Variants in NASP observed in about 807,000 individuals in gnomAD.
NASP encodes nuclear autoantigenic sperm protein.
NASP carries 24 observed loss-of-function variants against 89.5 expected under a neutral mutation model. The ratio of observed to expected loss-of-function variants is 0.27; its 90% CI spans 0.19 to 0.38. The LOEUF (loss-of-function observed/expected upper bound fraction) is 0.38, where lower values mean the gene tolerates loss of function less well. Ranked by LOEUF, NASP falls within the 10% of genes least tolerant of loss-of-function variation. NASP has a pLI of 1.00. For synonymous variants in NASP, 306 were observed against 324.7 expected (o/e 0.94, Z 0.62); for missense variants, 848 against 921.4 (o/e 0.92, Z 1.03).
chr1:45,605,976 A>G (rs972844561), intron 4 of NASP, among the ~76,000 whole-genome samples: 2 of 151,886 alleles, frequency 1.3e-5, no homozygotes, highest in Admixed American at 1.3e-4. Context: ...GGGTTTCTCC[A>G]TGTTGGTCAG....
chr1:45,600,359 G>A (rs1355887487), intron 2 of NASP: 1 of 1,259,492 alleles, frequency 7.9e-7, no homozygotes, highest in Admixed American at 2.9e-5. Context: ...TTCCTCATGT[G>A]CCTTTGTACT....
intron 2 of NASP, among the ~76,000 whole-genome samples, chr1:45,595,455 A>C (rs920445522): frequency 1.3e-5 from 2 of 152,332 alleles, no homozygotes; most frequent in African/African-American, 4.8e-5. Flanking sequence ...ATTTCTTAAC[A>C]CTGTGCCATA....
In NASP at chr1:45,595,127, TTTTGTGTGTGTG is replaced by T. The variant is rs1303760347; in HGVS notation, c.107+3859_107+3870del. On this transcript the variant is annotated intron_variant, in intron 2 of 14. Coordinates refer to ENST00000350030, the MANE Select transcript of NASP (RefSeq NM_002482.4). The stretch of plus-strand genomic sequence containing the variant: ...TCCTGCCTCAGCCTGCCAGACTAAG[TTTTGTGTGTGTG>T]TGTGTGTGTGTGTGTGTGTGTGTGT... Among the ~76,000 whole-genome samples, 3 of 129,428 alleles carry T rather than the reference TTTTGTGTGTGTG, an allele frequency of 2.3e-5. No individual in the cohort carries two copies. In the East Asian group the frequency reaches 7.8e-4, roughly 34 times the overall value. 84.9% of individuals were successfully genotyped at this position (129,428 alleles called of 152,430 possible). A position where few individuals can be genotyped will look rare whatever the true frequency, so the allele number is the denominator to read the frequency against.
Position 45,618,234 on chromosome 1 carries a change from A to C in NASP, c.*93A>C. 1 of 1,043,520 alleles carries C rather than the reference A, an allele frequency of 9.6e-7. No individual in the cohort carries two copies. The highest frequency in any genetic ancestry group is 1.4e-6 in the Non-Finnish European group (1 of 706,710). The allele number at this position is 1,043,520 out of a possible 1,614,324, so 64.6% of individuals were successfully genotyped here. A position where few individuals can be genotyped will look rare whatever the true frequency, so the allele number is the denominator to read the frequency against. The stretch of plus-strand genomic sequence containing the variant: ...GATTCTTTTTGTATAACTTCAATAA[A>C]GATTGTAAGCAAAGGTTGAGGCTTT... On this transcript the variant is annotated 3_prime_UTR_variant, in exon 15 of 15. Coordinates refer to ENST00000350030, the MANE Select transcript of NASP (RefSeq NM_002482.4).
Position 45,616,400 on chromosome 1 carries a change from A to T in NASP, c.2079+7A>T. 1 of 1,613,942 alleles carries T rather than the reference A, an allele frequency of 6.2e-7. No homozygotes were observed. The stretch of plus-strand genomic sequence containing the variant: ...AGGCTCTTCAGTCTCCATGGTGCGT[A>T]TTCAGGTGGTTTTTTGGTCACTTAC... On this transcript the variant is annotated splice_region_variant and intron_variant, in intron 12 of 14. Transcript: ENST00000350030.
chr1:45,607,508 T>G lies in NASP; in HGVS notation c.597T>G (p.Val199=). 5 of 1,614,028 alleles carry G rather than the reference T, an allele frequency of 3.1e-6. No homozygotes were observed. Among genetic ancestry groups the G allele is most frequent in the Non-Finnish European group, 4.2e-6 (5 of 1,179,978 alleles). The part of the protein sequence containing the change: ...SKSAEEPQEK[V]DLTLDWLTET... The stretch of plus-strand genomic sequence containing the variant: ...CTGCAGAGGAGCCACAGGAAAAAGT[T>G]GACTTGACTCTAGATTGGTTAACTG... Residue 199 remains valine, a synonymous_variant, in exon 6 of 15, where the codon GTT becomes GTG. Transcript: ENST00000350030.
At chr1:45,593,180 A>G (rs568171689) in intron 2 of NASP, among the ~76,000 whole-genome samples, 8 of 152,264 alleles carry the variant, frequency 5.3e-5, no homozygotes, top group South Asian at 2.1e-4. Flanking sequence ...TTGTTGGCCA[A>G]AGATTCATTT....
At chr1:45,614,791 C>T (rs1265509730) in intron 9 of NASP, among the ~76,000 whole-genome samples, 1 of 152,004 alleles carries the variant, frequency 6.6e-6, no homozygotes, top group African/African-American at 2.4e-5. Context: ...CCCGCCTCAG[C>T]CTCCCAAAGT....
intron 2 of NASP, among the ~76,000 whole-genome samples, chr1:45,595,177 GTGTGTGTGTGTT>G (rs1054554056): frequency 7.5e-5 from 11 of 146,410 alleles, no homozygotes; most frequent in African/African-American, 2.8e-4. Flanking sequence ...GTGTGTGTGT[GTGTGTGTGTGTT>G]TTAGAGACAG....
Position 45,615,190 on chromosome 1 carries a change from A to C in NASP, c.1844A>C (p.Glu615Ala), listed in dbSNP as rs904523650. The C allele has an allele frequency of 6.2e-7, 1 of 1,614,186 alleles. No homozygotes were observed. The highest frequency in any genetic ancestry group is 1.7e-5 in the Admixed American group (1 of 60,016). The change falls in exon 10 of 15, where the codon GAG (glutamate) becomes GCG (alanine). Residue 615 changes from glutamate to alanine, a missense_variant. By Grantham distance (107) the Glu-to-Ala change is moderately radical. This residue lies in a region of NASP where 218 missense variants were observed against 219.6 expected (regional missense o/e 0.99). Coordinates refer to ENST00000350030, the MANE Select transcript of NASP (RefSeq NM_002482.4). ...TTCAGCAAATCTATTGAAGTCATTG[A>C]GAACAGAATGGGTGAGTGAAGACGA... ...AQFSKSIEVI[E>A]NRMAVLNEQV...
At chr1:45,603,133 G>A (rs1226727865) in intron 3 of NASP, among the ~76,000 whole-genome samples, 1 of 152,118 alleles carries the variant, frequency 6.6e-6, no homozygotes, top group Non-Finnish European at 1.5e-5. Context: ...CCTATATCCT[G>A]GAGGAAAAGG....
chr1:45,586,703 A>G lies in NASP; in HGVS notation c.59+2498A>G, dbSNP rs1411968748. Among the ~76,000 whole-genome samples, 5 of 152,326 alleles carry G rather than the reference A, an allele frequency of 3.3e-5. No individual in the cohort carries two copies. The East Asian group carries it at 7.7e-4, about 23-fold the overall frequency. On this transcript the variant is annotated intron_variant, in intron 1 of 14. Transcript: ENST00000350030. Reference sequence around the variant, plus strand: ...GTGGGGACACTTAGAGGTAAAGTTTATAAGGTCCTCATGTTTAAGGGTAGG... The same window carrying G: ...GTGGGGACACTTAGAGGTAAAGTTTGTAAGGTCCTCATGTTTAAGGGTAGG...
At chr1:45,617,367 A>T in intron 13 of NASP, 96 bp from the exon 14 acceptor site, 1 of 1,412,726 alleles carries the variant, frequency 7.1e-7, no homozygotes, top group Non-Finnish European at 9.7e-7. Flanking sequence ...CCTGATGTTC[A>T]GGATCTTTGC....
In NASP at chr1:45,607,606, C is replaced by T. The variant is rs753937135; in HGVS notation, c.695C>T (p.Pro232Leu). The change falls in exon 6 of 15, where the codon CCA (proline) becomes CTA (leucine). Residue 232 changes from proline to leucine, a missense_variant. Coordinates refer to ENST00000350030, the MANE Select transcript of NASP (RefSeq NM_002482.4). The part of the protein sequence containing the change: ...PNEAEVTSGK[P>L]EQEVPDAEEE... ...GAAGCTGAGGTCACTTCTGGGAAGC[C>T]AGAACAGGAAGTACCAGATGCTGAG... 1 of 1,613,856 alleles carries T rather than the reference C, an allele frequency of 6.2e-7. No homozygotes were observed. The highest frequency in any genetic ancestry group is 2.2e-5 in the East Asian group (1 of 44,892).
chr1:45,611,571 ATTGT>A (rs1262225267), intron 6 of NASP: 1 of 136,260 alleles, frequency 7.3e-6, no homozygotes, highest in Non-Finnish European at 1.5e-5. Context: ...GGTTCAAGTG[ATTGT>A]TCTGCCTCCG....
intron 1 of NASP, among the ~76,000 whole-genome samples, chr1:45,588,354 T>C (rs1185200248): frequency 1.3e-5 from 2 of 152,116 alleles, no homozygotes; most frequent in Non-Finnish European, 2.9e-5. Flanking sequence ...TCCACTCACC[T>C]TGCCTTTCCA....
At chr1:45,587,870 C>T (rs1468215838) in intron 1 of NASP, among the ~76,000 whole-genome samples, 2 of 150,456 alleles carry the variant, frequency 1.3e-5, no homozygotes, top group Non-Finnish European at 3.0e-5. Context: ...CCTGTAATCG[C>T]TTGAAACCGG....
intron 6 of NASP, chr1:45,612,380 A>G (rs563667855): frequency 3.3e-5 from 5 of 152,288 alleles, no homozygotes; most frequent in Admixed American, 2.0e-4. Flanking sequence ...ATTATATCCA[A>G]TTCATGAGTT....
intron 1 of NASP, chr1:45,588,686 T>TC (rs1415971471): frequency 2.3e-6 from 1 of 436,262 alleles, no homozygotes; most frequent in South Asian, 1.6e-5. Flanking sequence ...ACACCTGTAA[T>TC]CCAGCACTTT....
Sources: gnomAD v4.1 joint callset for allele counts (sites outside exome capture counted in the v4.1 genomes callset) on GRCh38, gnomAD v4.1.1 for gene constraint, gnomAD v4.1.1 regional missense constraint, MANE v1.5 for transcripts, NCBI Gene and HGNC (gene_info 2026-07-23, HGNC 2026-07-21) for gene names.